Variants in EPHA3 observed in about 807,000 individuals in gnomAD.
EPHA3 encodes the protein EPH receptor A3, also known as ephrin type-A receptor 3.
A neutral mutation model predicts 107.1 loss-of-function variants in EPHA3; 42 were observed. That is an observed-to-expected ratio of 0.39 (90% CI 0.31 to 0.51). The LOEUF is 0.51. EPHA3 is among the 20% of genes least tolerant of loss of function. The pLI is 0.78. For missense variants in EPHA3, 1,183 were observed against 1,211.2 expected (o/e 0.98, Z 0.35); for synonymous variants, 461 against 424.8 (o/e 1.09, Z -1.05).
chr3:89,329,011 C>T (rs970298472), intron 3 of EPHA3, among the ~76,000 whole-genome samples: 2 of 152,238 alleles, frequency 1.3e-5, no homozygotes, highest in African/African-American at 4.8e-5. Flanking sequence ...CTTTCCCACC[C>T]TCTTCCCAAT....
At chr3:89,233,640 G>T (rs1704688128) in intron 3 of EPHA3, among the ~76,000 whole-genome samples, 1 of 152,108 alleles carries the variant, frequency 6.6e-6, no homozygotes, top group Non-Finnish European at 1.5e-5. Context: ...TCCTCAATTG[G>T]TGTTGGCTAT....
intron 2 of EPHA3, among the ~76,000 whole-genome samples, chr3:89,195,666 T>A (rs1205102144): frequency 6.6e-6 from 1 of 152,180 alleles, no homozygotes; most frequent in Non-Finnish European, 1.5e-5. Context: ...GCTTATTCAA[T>A]GAGTGGATTA....
chr3:89,272,175 G>T (rs751236686), intron 3 of EPHA3, among the ~76,000 whole-genome samples: 1 of 151,862 alleles, frequency 6.6e-6, no homozygotes, highest in African/African-American at 2.4e-5. Context: ...AAAGTCAAAA[G>T]TTATGCATGG....
At chr3:89,285,754 G>A (rs1706067127) in intron 3 of EPHA3, among the ~76,000 whole-genome samples, 1 of 152,170 alleles carries the variant, frequency 6.6e-6, no homozygotes, top group Admixed American at 6.6e-5. Flanking sequence ...GAGACAACAA[G>A]TATTGCCAGG....
chr3:89,422,353 G>GCA (rs145746852), intron 11 of EPHA3, among the ~76,000 whole-genome samples: 8 of 145,044 alleles, frequency 5.5e-5, no homozygotes, highest in South Asian at 2.2e-4. Context: ...ATGCACACAT[G>GCA]CACACACACA....
chr3:89,344,637 G>A (rs1039996113), intron 5 of EPHA3, among the ~76,000 whole-genome samples: 1 of 152,070 alleles, frequency 6.6e-6, no homozygotes, highest in African/African-American at 2.4e-5. Flanking sequence ...TGAAAAATAA[G>A]CTCCCTACCA....
chr3:89,324,159 T>C (rs1707109727), intron 3 of EPHA3, among the ~76,000 whole-genome samples: 1 of 149,778 alleles, frequency 6.7e-6, no homozygotes. Flanking sequence ...GTCAGTCTTT[T>C]TTTTTTTTTT....
intron 5 of EPHA3, among the ~76,000 whole-genome samples, chr3:89,343,132 C>G (rs1456758918): frequency 1.1e-4 from 16 of 152,160 alleles, no homozygotes; most frequent in Admixed American, 1.0e-3. Flanking sequence ...ATGCTCTAGG[C>G]AAAAGGAAAC....
chr3:89,287,852 G>A lies in EPHA3; in HGVS notation c.815-53064G>A, dbSNP rs1468151736. ...CCTTCTTCCCACTCAAGATTCTCCCGTGGTATGACATTGACCTTGTGTTTT... is the reference window on the plus strand; with the variant it reads ...CCTTCTTCCCACTCAAGATTCTCCCATGGTATGACATTGACCTTGTGTTTT... On this transcript the variant is annotated intron_variant, in intron 3 of 16. Transcript: ENST00000336596. 3.3e-5 allele frequency among the ~76,000 whole-genome samples: 5 copies of A among 152,042 alleles called. No homozygotes were observed. The East Asian group carries it at 5.8e-4, about 18-fold the overall frequency.
At chr3:89,460,820 T>C in intron 15 of EPHA3, among the ~76,000 whole-genome samples, 1 of 131,564 alleles carries the variant, frequency 7.6e-6, no homozygotes, top group South Asian at 2.2e-4. Context: ...TCTCTCTGTC[T>C]CTCTTTTTTT....
intron 5 of EPHA3, among the ~76,000 whole-genome samples, chr3:89,351,695 A>T (rs944709670): frequency 1.3e-5 from 2 of 151,314 alleles, no homozygotes; most frequent in African/African-American, 4.8e-5. Context: ...GCTTTTACAT[A>T]GTCTCAATAT....
chr3:89,471,399 G>A (rs868479307), intron 15 of EPHA3, among the ~76,000 whole-genome samples: 3 of 151,942 alleles, frequency 2.0e-5, no homozygotes, highest in Non-Finnish European at 4.4e-5. Flanking sequence ...ACGGAGTTTC[G>A]CTCCTGTTGC....
At chr3:89,458,109 T>C (rs1313169238) in intron 15 of EPHA3, among the ~76,000 whole-genome samples, 3 of 152,176 alleles carry the variant, frequency 2.0e-5, no homozygotes, top group Non-Finnish European at 2.9e-5. Context: ...CCATTGTATG[T>C]AACAAGGTGT....
At chr3:89,251,070 G>A (rs887469308) in intron 3 of EPHA3, among the ~76,000 whole-genome samples, 1 of 152,134 alleles carries the variant, frequency 6.6e-6, no homozygotes, top group Non-Finnish European at 1.5e-5. Flanking sequence ...TTAGATCAAA[G>A]CAGTCAGGCA....
At chr3:89,404,676 T>G (rs1213643856) in intron 7 of EPHA3, among the ~76,000 whole-genome samples, 3 of 152,220 alleles carry the variant, frequency 2.0e-5, no homozygotes, top group Non-Finnish European at 2.9e-5. Flanking sequence ...TTATGTGCTT[T>G]AGATAGCCTC....
intron 2 of EPHA3, among the ~76,000 whole-genome samples, chr3:89,201,474 C>T (rs1196841538): frequency 6.6e-6 from 1 of 152,146 alleles, no homozygotes; most frequent in South Asian, 2.1e-4. Context: ...TTAAATGAGG[C>T]AGTACTAAGG....
chr3:89,153,710 C>T (rs1704735913), intron 2 of EPHA3, among the ~76,000 whole-genome samples: 1 of 152,050 alleles, frequency 6.6e-6, no homozygotes, highest in African/African-American at 2.4e-5. Context: ...GGCTCCCTGC[C>T]CCTGCATGTG....
intron 13 of EPHA3, among the ~76,000 whole-genome samples, chr3:89,433,955 T>C (rs1709618330): frequency 6.6e-6 from 1 of 152,142 alleles, no homozygotes; most frequent in Non-Finnish European, 1.5e-5. Flanking sequence ...TTAACAGTCT[T>C]AGGGAATGTA....
chr3:89,274,214 C>T (rs1029794907), intron 3 of EPHA3, among the ~76,000 whole-genome samples: 3 of 151,916 alleles, frequency 2.0e-5, no homozygotes, highest in Non-Finnish European at 4.4e-5. Context: ...ATTTACCCAC[C>T]ACCCTCCCAC....
Sources: allele counts gnomAD v4.1 joint callset (sites outside exome capture counted in the v4.1 genomes callset), GRCh38; gene constraint gnomAD v4.1.1; transcripts MANE v1.5; gene names NCBI Gene and HGNC (gene_info 2026-07-23, HGNC 2026-07-21).